ACKR2: variants seen among roughly 807,000 people sequenced by gnomAD.
ACKR2 encodes the protein atypical chemokine receptor 2.
For synonymous variants in ACKR2, 207 were observed against 192.2 expected (o/e 1.08, Z -0.64); for missense variants, 457 against 477.3 (o/e 0.96, Z 0.40).
At chr3:42,859,886 C>T (rs1490352077) in intron 2 of ACKR2, among the ~76,000 whole-genome samples, 6 of 151,852 alleles carry the variant, frequency 4.0e-5, no homozygotes, top group African/African-American at 7.3e-5. Flanking sequence ...CAAAAACATA[C>T]CAAATTGTAA....
rs762945000 is a variant in ACKR2, at chr3:42,865,426, C to G, written c.924C>G (p.Ser308=). ...TCGCCTTCCTTCACTGCTGCTTTTC[C>G]CCCATCCTGTATGCCTTCTCCAGTC... ...ESIAFLHCCF[S]PILYAFSSHR... is the part of the protein sequence containing the mutation. The change falls in exon 3 of 3, where the codon TCC becomes TCG. Residue 308 remains serine (S), a synonymous_variant. Coordinates refer to ENST00000422265, the MANE Select transcript of ACKR2 (RefSeq NM_001296.5). The G allele has an allele frequency of 5.6e-6, 9 of 1,614,078 alleles. No homozygotes were observed. Among genetic ancestry groups the G allele is most frequent in the Admixed American group, 3.3e-5 (2 of 59,994 alleles).
Position 42,865,615 on chromosome 3 carries a change from G to T in ACKR2, c.1113G>T (p.Glu371Asp). 6.2e-7 allele frequency: 1 copy of T among 1,613,874 alleles called. No homozygotes were observed. Among genetic ancestry groups the T allele is most frequent in the South Asian group, 1.1e-5 (1 of 90,980 alleles). The change falls in exon 3 of 3, where the codon GAG becomes GAT. Residue 371 changes from glutamate (E) to aspartate (D), a missense_variant. Physicochemically the swap from Glu to Asp is conservative, Grantham distance 45. Transcript: ENST00000422265. ...GMNDLGERQS[E>D]NYPNKEDVGN... ...ATGACCTTGGAGAGAGGCAGTCTGA[G>T]AACTACCCTAACAAGGAGGATGTGG... is the stretch of plus-strand genomic sequence containing the variant.
chr3:42,849,557 C>G (rs911093590), intron 2 of ACKR2, among the ~76,000 whole-genome samples: 23 of 151,456 alleles, frequency 1.5e-4, no homozygotes, highest in Non-Finnish European at 2.8e-4. Context: ...GAGCAAAGAA[C>G]AATTTGAGAA....
chr3:42,835,656 C>T (rs971074046), intron 2 of ACKR2: 4 of 152,248 alleles, frequency 2.6e-5, no homozygotes, highest in Admixed American at 2.0e-4. Flanking sequence ...GTCACACTCA[C>T]TGTATCCCAT....
chr3:42,865,351 C>G lies in ACKR2; in HGVS notation c.849C>G (p.Asn283Lys), dbSNP rs1026585413. The G allele has an allele frequency of 3.1e-6, 5 of 1,614,116 alleles. No homozygotes were observed. The African/African-American group carries it at 5.3e-5, about 17-fold the overall frequency. ...TGTTGGACCTGCAAGTATTCGGGAA[C>G]TGTGAGGTCAGCCAGCATCTAGACT... ...HTLLDLQVFG[N>K]CEVSQHLDYA... Residue 283 changes from asparagine to lysine, a missense_variant, in exon 3 of 3, where the codon AAC (asparagine) becomes AAG (lysine). Asn to Lys is a moderately conservative substitution (Grantham distance 94). Coordinates refer to ENST00000422265, the MANE Select transcript of ACKR2 (RefSeq NM_001296.5).
chr3:42,820,623 G>T (rs1700800296), intron 2 of ACKR2, among the ~76,000 whole-genome samples: 1 of 147,636 alleles, frequency 6.8e-6, no homozygotes, highest in African/African-American at 2.5e-5. Flanking sequence ...AATATAATCT[G>T]CCCAACCCAA....
intron 2 of ACKR2, among the ~76,000 whole-genome samples, chr3:42,831,194 T>G (rs1242237585): frequency 6.6e-6 from 1 of 152,150 alleles, no homozygotes; most frequent in African/African-American, 2.4e-5. Flanking sequence ...AATCCGAGAC[T>G]GCCACGCTCA....
chr3:42,854,360 A>G (rs1484097273), intron 2 of ACKR2, among the ~76,000 whole-genome samples: 2 of 152,184 alleles, frequency 1.3e-5, no homozygotes, highest in Non-Finnish European at 2.9e-5. Context: ...TGCCTCCCAG[A>G]TGCCATATGA....
intron 2 of ACKR2, among the ~76,000 whole-genome samples, chr3:42,828,401 G>A (rs996335496): frequency 5.3e-5 from 8 of 152,074 alleles, no homozygotes; most frequent in African/African-American, 1.9e-4. Flanking sequence ...GTGAGCCACC[G>A]CGCCTGGCCA....
intron 2 of ACKR2, among the ~76,000 whole-genome samples, chr3:42,850,200 A>T (rs142463671): frequency 6.6e-6 from 1 of 152,220 alleles, no homozygotes; most frequent in African/African-American, 2.4e-5. Flanking sequence ...GCCTCACTTG[A>T]AAGGTCCCCT....
At chr3:42,863,086 A>G (rs1449008983) in intron 2 of ACKR2, among the ~76,000 whole-genome samples, 1 of 152,256 alleles carries the variant, frequency 6.6e-6, no homozygotes, top group Non-Finnish European at 1.5e-5. Flanking sequence ...ATAGAATGGG[A>G]GAAATTTTTG....
At chr3:42,822,102 G>T (rs1024762225) in intron 2 of ACKR2, among the ~76,000 whole-genome samples, 55 of 151,314 alleles carry the variant, frequency 3.6e-4, no homozygotes, top group Non-Finnish European at 7.2e-4. Context: ...TACAACTTAG[G>T]TTTACATCTA....
chr3:42,816,513 G>A (rs1459347521), intron 1 of ACKR2, among the ~76,000 whole-genome samples: 1 of 151,518 alleles, frequency 6.6e-6, no homozygotes. Context: ...TGACTTTTCC[G>A]CTGAGGAAAC....
chr3:42,846,697 C>G (rs1005752795), intron 2 of ACKR2, among the ~76,000 whole-genome samples: 6 of 152,140 alleles, frequency 3.9e-5, no homozygotes, highest in Admixed American at 1.3e-4. Flanking sequence ...GTGGTGGAGT[C>G]TTTGTATAAG....
chr3:42,814,177 A>G (rs1295485775), intron 1 of ACKR2, among the ~76,000 whole-genome samples: 1 of 152,248 alleles, frequency 6.6e-6, no homozygotes, highest in Non-Finnish European at 1.5e-5. Flanking sequence ...ATCATGTTAC[A>G]AGAAAATGAC....
At chr3:42,857,794 A>G (rs539367449) in intron 2 of ACKR2, among the ~76,000 whole-genome samples, 27 of 152,370 alleles carry the variant, frequency 1.8e-4, no homozygotes, top group African/African-American at 6.0e-4. Context: ...AGAAAACCCA[A>G]AGCCAGGGTG....
intron 2 of ACKR2, among the ~76,000 whole-genome samples, chr3:42,832,287 G>C (rs1475913159): frequency 6.6e-6 from 1 of 152,076 alleles, no homozygotes; most frequent in Non-Finnish European, 1.5e-5. Flanking sequence ...CCAGGAATTT[G>C]AGACCAGCTA....
At chr3:42,820,359 T>C (rs1387168413) in intron 2 of ACKR2, among the ~76,000 whole-genome samples, 6 of 151,980 alleles carry the variant, frequency 3.9e-5, no homozygotes, top group Non-Finnish European at 8.8e-5. Flanking sequence ...TTTGGGAGTC[T>C]GAGGCGGATG....
At position 42,846,207 on chromosome 3, in the gene ACKR2, G is replaced by T. The variant is rs1445152126; in HGVS notation, c.-37-18259G>T. ...TGTTCGGCCCCTAGTGCCCTGTCTGGAATGAAACCCAGGACAGGCCCTCAG... is the reference window on the plus strand; with the variant it reads ...TGTTCGGCCCCTAGTGCCCTGTCTGTAATGAAACCCAGGACAGGCCCTCAG... On this transcript the variant is annotated intron_variant, in intron 2 of 2. Transcript: ENST00000422265. Among the ~76,000 whole-genome samples the T allele has an allele frequency of 3.9e-5, 6 of 152,170 alleles. No individual in the cohort carries two copies. The East Asian group carries it at 1.2e-3, about 29-fold the overall frequency.
Sources: gnomAD v4.1 joint callset for allele counts (sites outside exome capture counted in the v4.1 genomes callset) on GRCh38, gnomAD v4.1.1 for gene constraint, MANE v1.5 for transcripts, NCBI Gene and HGNC (gene_info 2026-07-23, HGNC 2026-07-21) for gene names.